Variants in RAB44 observed in about 807,000 individuals in gnomAD.
The protein encoded by RAB44 is ras-related protein Rab-44.
In RAB44, 67 loss-of-function variants were observed where a neutral mutation model predicts 93.3. That is an observed-to-expected ratio of 0.72 (90% CI 0.59 to 0.88). The LOEUF is 0.88. Ranked by LOEUF, RAB44 falls within the 40% of genes least tolerant of loss-of-function variation. The probability of loss-of-function intolerance (pLI) is 0.00; values close to 1 mark genes in which losing one functional copy is unlikely to be tolerated. For synonymous variants in RAB44, 427 were observed against 520.3 expected (o/e 0.82, Z 2.44); for missense variants, 1,064 against 1,261.7 (o/e 0.84, Z 2.37).
chr6:36,702,293 GGAGAGA>G (rs567475229), intron 1 of RAB44, among the ~76,000 whole-genome samples: 25,393 of 114,482 alleles, frequency 0.22, 2,630 homozygotes, highest in Admixed American at 0.28. Context: ...CTTCGAAGGG[GGAGAGA>G]GAGAGAGAGA....
intron 8 of RAB44, 59 bp from the exon 9 acceptor site, chr6:36,721,092 T>G: frequency 8.1e-7 from 1 of 1,228,616 alleles, no homozygotes. Flanking sequence ...GCAGGTGGGA[T>G]GGGTGTGACA....
Position 36,728,517 on chromosome 6 carries a change from T to C in RAB44, c.2797-183T>C, listed in dbSNP as rs576222562. 8.7e-5 allele frequency among the ~76,000 whole-genome samples: 13 copies of C among 150,184 alleles called. No homozygotes were observed. In the East Asian group the frequency reaches 2.6e-3, roughly 30 times the overall value. ...TGTTCTTAAGGTTGGCCTTGGAAAA[T>C]AAGTGAGATGTTTATCAGCAGAGAG... On this transcript the variant is annotated intron_variant, in intron 11 of 13. Transcript: ENST00000612677.
Position 36,721,678 on chromosome 6 carries a change from C to T in RAB44, c.1544C>T (p.Pro515Leu), listed in dbSNP as rs936722773. 16 of 1,234,292 alleles carry T rather than the reference C, an allele frequency of 1.3e-5. No homozygotes were observed. The highest frequency in any genetic ancestry group is 9.5e-5 in the East Asian group (3 of 31,710). 76.5% of individuals were successfully genotyped at this position (1,234,292 alleles called of 1,614,324 possible). ...GCGAACTCTCCCCCTCCCCAGGCCC[C>T]AGCTGGGTCCAGCAAACAGATCCAG... The part of the protein sequence containing the change: ...PPANSPPPQA[P>L]AGSSKQIQAS... The change falls in exon 9 of 14, where the codon CCA becomes CTA. Residue 515 changes from proline to leucine, a missense_variant. Pro to Leu is a moderately conservative substitution (Grantham distance 98). Coordinates refer to ENST00000612677, the MANE Select transcript of RAB44 (RefSeq NM_001257357.2).
rs1158083037 is a variant in RAB44, at chr6:36,727,593, C to T, written c.2698C>T (p.Arg900Ter). Residue 900 changes from arginine (R) to a stop codon, truncating the protein, a stop_gained, in exon 11 of 14, where the codon CGA becomes TGA. Transcript: ENST00000612677. LOFTEE classifies it high-confidence loss of function. ...TCTGGGCAGGTACCACAGTATGACGCGACAGCTGCTCCGCAAGGCTGACGG... is the reference window on the plus strand; with the variant it reads ...TCTGGGCAGGTACCACAGTATGACGTGACAGCTGCTCCGCAAGGCTGACGG... ...AGQERYHSMT[R>*]QLLRKADGVV... 6.5e-6 allele frequency: 10 copies of T among 1,550,340 alleles called. No homozygotes were observed. Among genetic ancestry groups the T allele is most frequent in the Middle Eastern group, 1.7e-4 (1 of 5,994 alleles).
chr6:36,700,828 C>T (rs933556382), intron 1 of RAB44, among the ~76,000 whole-genome samples: 4 of 152,230 alleles, frequency 2.6e-5, no homozygotes, highest in Admixed American at 2.6e-4. Flanking sequence ...CCAGGCCAAA[C>T]CCCATTAGCC....
At chr6:36,720,947 C>T (rs1354717052) in intron 8 of RAB44, among the ~76,000 whole-genome samples, 1 of 152,132 alleles carries the variant, frequency 6.6e-6, no homozygotes, top group Non-Finnish European at 1.5e-5. Flanking sequence ...GGAGGTGAGG[C>T]TTCATGTGGG....
intron 2 of RAB44, among the ~76,000 whole-genome samples, chr6:36,705,402 C>CCCTCCCTT (rs1441904474): frequency 7.0e-6 from 1 of 142,160 alleles, no homozygotes; most frequent in African/African-American, 2.7e-5. Context: ...CTCCCTCCCT[C>CCCTCCCTT]CCTCCCTTCC....
chr6:36,704,494 A>T (rs545605057), intron 2 of RAB44, 52 bp downstream of exon 2: 260 of 1,485,666 alleles, frequency 1.8e-4, no homozygotes, highest in Non-Finnish European at 2.3e-4. Flanking sequence ...GCAGCTCCTG[A>T]CACCCCCTCT....
chr6:36,725,899 C>A lies in RAB44; in HGVS notation c.2637C>A (p.Asn879Lys), dbSNP rs1188283607. The change falls in exon 10 of 14, where the codon AAC becomes AAA. Residue 879 changes from asparagine to lysine, a missense_variant. Transcript: ENST00000612677. The part of the protein sequence containing the change: ...DFRVKTLLVD[N>K]KCFVLQLWDT... Reference sequence around the variant, plus strand: ...GGGTCAAAACCTTGCTGGTGGACAACAAGTGCTTTGTGCTGCAGCTCTGGG... The same window carrying A: ...GGGTCAAAACCTTGCTGGTGGACAAAAAGTGCTTTGTGCTGCAGCTCTGGG... 1.0e-5 allele frequency: 16 copies of A among 1,550,700 alleles called. No individual in the cohort carries two copies. Among genetic ancestry groups the A allele is most frequent in the Non-Finnish European group, 1.4e-5 (16 of 1,146,996 alleles).
At chr6:36,723,562 G>A (rs377657062) in intron 9 of RAB44, among the ~76,000 whole-genome samples, 1 of 152,022 alleles carries the variant, frequency 6.6e-6, no homozygotes, top group Non-Finnish European at 1.5e-5. Flanking sequence ...CCAGCCGGGC[G>A]CAGTGGCTCA....
rs236488 is a variant in RAB44 at position 36,717,816 on chromosome 6, G to A, written c.642-212G>A. ...ACTGGTGACGGTTACAAGGGTCGGC[G>A]TGGTAGGATCAGCAGGACCAATGTC... On this transcript the variant is annotated intron_variant, in intron 5 of 13. Transcript: ENST00000612677. The surrounding 1 kb of genome is among the most constrained non-coding windows in gnomAD (Gnocchi z 4.1). Among the ~76,000 whole-genome samples the A allele has an allele frequency of 0.66, 100,891 of 151,738 alleles. 35,017 individuals are homozygous for A. Among genetic ancestry groups the A allele is most frequent in the Non-Finnish European group, 0.78 (53,072 of 67,854 alleles).
intron 1 of RAB44, among the ~76,000 whole-genome samples, chr6:36,703,862 C>T (rs1762572072): frequency 1.3e-5 from 2 of 152,266 alleles, no homozygotes; most frequent in East Asian, 1.9e-4. Flanking sequence ...TGTGTAACCA[C>T]CCTCCAGGTC....
In RAB44 at chr6:36,717,185, A is replaced by G. The variant is rs534698362; in HGVS notation, c.495-88A>G. The stretch of plus-strand genomic sequence containing the variant: ...GTGCCAAAGTCTCTTGGAGCGCTGC[A>G]GTGAAAACTGAGGAGTGGGGCTCCC... On this transcript the variant is annotated intron_variant, in intron 4 of 13. Coordinates refer to ENST00000612677, the MANE Select transcript of RAB44 (RefSeq NM_001257357.2). The surrounding 1 kb of genome is among the most constrained non-coding windows in gnomAD (Gnocchi z 4.1). The G allele has an allele frequency of 4.2e-6, 5 of 1,185,592 alleles. No homozygotes were observed. The Admixed American group carries it at 1.7e-4, about 40-fold the overall frequency. The allele number at this position is 1,185,592 out of a possible 1,614,324, so 73.4% of individuals were successfully genotyped here. A position where few individuals can be genotyped will look rare whatever the true frequency, so the allele number is the denominator to read the frequency against.
chr6:36,717,494 TC>T lies in RAB44; in HGVS notation c.641+79del, dbSNP rs1484204187. 4.9e-6 allele frequency: 6 copies of T among 1,224,280 alleles called. No individual in the cohort carries two copies. The highest frequency in any genetic ancestry group is 3.1e-5 in the African/African-American group (2 of 64,268). 75.8% of individuals were successfully genotyped at this position (1,224,280 alleles called of 1,614,324 possible). ...CATTCCAGTGGAATCTGGTTGAATT[TC>T]CCCAGCTCCTCCTGCAGCTGGGCCT... On this transcript the variant is annotated intron_variant, in intron 5 of 13. Coordinates refer to ENST00000612677, the MANE Select transcript of RAB44 (RefSeq NM_001257357.2). This position sits in a 1 kb window ranked among gnomAD's most constrained non-coding sequence, Gnocchi z 4.1.
Position 36,708,272 on chromosome 6 carries a change from G to A in RAB44, c.207+3830G>A, listed in dbSNP as rs569579038. On this transcript the variant is annotated intron_variant, in intron 2 of 13. Transcript: ENST00000612677. ...GCAAAATCATTGAAAAATCTCCAGGGCCTTCACATAAAGCATGCAATTTCT... is the reference window on the plus strand; with the variant it reads ...GCAAAATCATTGAAAAATCTCCAGGACCTTCACATAAAGCATGCAATTTCT... Among the ~76,000 whole-genome samples, 8 of 151,514 alleles carry A rather than the reference G, an allele frequency of 5.3e-5. No individual in the cohort carries two copies. The South Asian group carries it at 1.7e-3, about 32-fold the overall frequency.
At chr6:36,720,323 G>A (rs1763040220) in intron 7 of RAB44, 40 bp from the exon 8 acceptor site, 1 of 1,231,408 alleles carries the variant, frequency 8.1e-7, no homozygotes, top group Non-Finnish European at 1.0e-6. Context: ...CGCCCTGGAG[G>A]GCATCTGGGC....
At chr6:36,708,158 G>A (rs939282284) in intron 2 of RAB44, among the ~76,000 whole-genome samples, 1 of 151,818 alleles carries the variant, frequency 6.6e-6, no homozygotes, top group Non-Finnish European at 1.5e-5. Flanking sequence ...GCTGCAGTGA[G>A]CCATGATCAC....
Position 36,718,009 on chromosome 6 carries a change from C to T in RAB44, c.642-19C>T, listed in dbSNP as rs1762967016. 1.6e-6 allele frequency: 2 copies of T among 1,230,410 alleles called. No homozygotes were observed. The highest frequency in any genetic ancestry group is 3.1e-5 in the African/African-American group (2 of 64,374). The allele number at this position is 1,230,410 out of a possible 1,614,324, so 76.2% of individuals were successfully genotyped here. On this transcript the variant is annotated intron_variant, in intron 5 of 13. Coordinates refer to ENST00000612677, the MANE Select transcript of RAB44 (RefSeq NM_001257357.2). ...GAGGTGCTGATGGGCTGCCTGGCCC[C>T]AACTCCTGCTCCTCCCAGGCGTGAC...
At chr6:36,728,284 A>G (rs1763284096) in intron 11 of RAB44, among the ~76,000 whole-genome samples, 1 of 152,190 alleles carries the variant, frequency 6.6e-6, no homozygotes, top group African/African-American at 2.4e-5. Flanking sequence ...CAATTTCTGG[A>G]ATTCTCTCAT....
Sources: gnomAD v4.1 joint callset for allele counts (sites outside exome capture counted in the v4.1 genomes callset) on GRCh38, gnomAD v4.1.1 for gene constraint, Gnocchi (gnomAD v3.1) non-coding constraint, MANE v1.5 for transcripts, NCBI Gene and HGNC (gene_info 2026-07-23, HGNC 2026-07-21) for gene names.